Variants in NAT1 observed in about 807,000 individuals in gnomAD.
NAT1 encodes N-acetyltransferase 1.
For missense variants in NAT1, 400 were observed against 339.2 expected (o/e 1.18, Z -1.41); for synonymous variants, 144 against 122.6 (o/e 1.17, Z -1.16).
chr8:18,198,361 T>A (rs1293472633), intron 2 of NAT1, among the ~76,000 whole-genome samples: 1 of 152,192 alleles, frequency 6.6e-6, no homozygotes, highest in Non-Finnish European at 1.5e-5. Context: ...CACTGAGTTA[T>A]GAATGGTGTT....
In NAT1 at chr8:18,222,172, T is replaced by C. The variant is rs1355361339; in HGVS notation, c.125T>C (p.Ile42Thr). The change falls in exon 3 of 3, where the codon ATC (isoleucine) becomes ACC (threonine). Residue 42 changes from isoleucine to threonine, a missense_variant. By Grantham distance (89) the Ile-to-Thr change is moderately conservative. Coordinates refer to ENST00000307719, the MANE Select transcript of NAT1 (RefSeq NM_000662.8). ...GCTGTTCCCTTTGAGAACCTTAACA[T>C]CCATTGTGGGGATGCCATGGACTTA... ...IRAVPFENLN[I>T]HCGDAMDLGL... 6.2e-7 allele frequency: 1 copy of C among 1,614,152 alleles called. No individual in the cohort carries two copies. Among genetic ancestry groups the C allele is most frequent in the East Asian group, 2.2e-5 (1 of 44,874 alleles).
At chr8:18,209,472 C>T (rs10088926), upstream of NAT1, among the ~76,000 whole-genome samples, 6,807 of 152,222 alleles carry the variant, frequency 0.045, 445 homozygotes, top group African/African-American at 0.14. Flanking sequence ...AATAAAGAAA[C>T]AAAAATTATG....
At chr8:18,183,795 T>A (rs996704554) in intron 2 of NAT1, among the ~76,000 whole-genome samples, 2 of 152,004 alleles carry the variant, frequency 1.3e-5, no homozygotes, top group Non-Finnish European at 2.9e-5. Context: ...AAGAAAGGGG[T>A]AGCAGGTTTC....
At chr8:18,178,862 C>G (rs1802393485) in intron 2 of NAT1, among the ~76,000 whole-genome samples, 1 of 152,090 alleles carries the variant, frequency 6.6e-6, no homozygotes. Flanking sequence ...AGCTGACAAG[C>G]TTTTCAAGTC....
At position 18,173,689 on chromosome 8, in the gene NAT1, T is replaced by C. The variant is rs182642350; in HGVS notation, n.92+2950T>C. Among the ~76,000 whole-genome samples, 11 of 152,268 alleles carry C rather than the reference T, an allele frequency of 7.2e-5. No individual in the cohort carries two copies. The East Asian group carries it at 1.7e-3, about 24-fold the overall frequency. On this transcript the variant is annotated intron_variant and non_coding_transcript_variant, in intron 2 of 4. Transcript: ENST00000517441. ...TTGTATAGTCTTGTTTCTTCACCAA[T>C]AGAATGGGTATAAGATTATGTACCT...
rs1805480922 is a variant in NAT1, at chr8:18,222,789, G to A, written c.742G>A (p.Asp248Asn). Residue 248 changes from aspartate (D) to asparagine (N), a missense_variant, in exon 3 of 3, where the codon GAC (aspartate) becomes AAC (asparagine). Transcript: ENST00000307719. Reference protein sequence around the residue: ...TLTHRRFNYKDNTDLIEFKTL... With the variant: ...TLTHRRFNYKNNTDLIEFKTL... Reference sequence around the variant, plus strand: ...CACCCATAGGAGATTCAATTATAAGGACAATACAGATCTAATAGAGTTCAA... The same window carrying A: ...CACCCATAGGAGATTCAATTATAAGAACAATACAGATCTAATAGAGTTCAA... The A allele has an allele frequency of 2.5e-6, 4 of 1,613,420 alleles. No individual in the cohort carries two copies. The highest frequency in any genetic ancestry group is 3.4e-6 in the Non-Finnish European group (4 of 1,179,864).
chr8:18,216,133 A>G (rs895051262), intron 1 of NAT1, among the ~76,000 whole-genome samples: 1 of 152,182 alleles, frequency 6.6e-6, no homozygotes, highest in African/African-American at 2.4e-5. Flanking sequence ...TTTACATAAC[A>G]TACCTGGTGG....
intron 2 of NAT1, among the ~76,000 whole-genome samples, chr8:18,181,713 T>C (rs959522883): frequency 7.9e-5 from 12 of 152,208 alleles, no homozygotes; most frequent in African/African-American, 2.9e-4. Context: ...AGCTGCGGGT[T>C]GTCATATATA....
At chr8:18,215,505 T>A (rs1338925145) in intron 1 of NAT1, among the ~76,000 whole-genome samples, 1 of 152,244 alleles carries the variant, frequency 6.6e-6, no homozygotes, top group Non-Finnish European at 1.5e-5. Context: ...TGTCCTTAAT[T>A]AGTATTCTAA....
chr8:18,222,541 G>A lies in NAT1; in HGVS notation c.494G>A (p.Arg165Lys), dbSNP rs778884010. The change falls in exon 3 of 3, where the codon AGA becomes AAA. Residue 165 changes from arginine to lysine, a missense_variant. Coordinates refer to ENST00000307719, the MANE Select transcript of NAT1 (RefSeq NM_000662.8). ...GGATTCTGGTATCTAGACCAAATCA[G>A]AAGGGAACAGTACATTCCAAATGAA... ...ENGFWYLDQI[R>K]REQYIPNEEF... 1.2e-6 allele frequency: 2 copies of A among 1,614,138 alleles called. No homozygotes were observed. Among genetic ancestry groups the A allele is most frequent in the Non-Finnish European group, 8.5e-7 (1 of 1,180,018 alleles).
At chr8:18,184,850 G>C (rs533690441) in intron 2 of NAT1, among the ~76,000 whole-genome samples, 19 of 152,084 alleles carry the variant, frequency 1.2e-4, no homozygotes, top group Non-Finnish European at 2.6e-4. Flanking sequence ...CATTTCACCA[G>C]TTTTTGCGTG....
intron 2 of NAT1, among the ~76,000 whole-genome samples, chr8:18,180,984 C>G (rs4342644): frequency 6.6e-6 from 1 of 151,846 alleles, no homozygotes; most frequent in Admixed American, 6.6e-5. Flanking sequence ...TTTAGCTATT[C>G]AGGGTCTTTT....
chr8:18,219,220 C>T (rs1360560046), intron 1 of NAT1, among the ~76,000 whole-genome samples, 191 bp from the exon 2 acceptor site: 2 of 152,120 alleles, frequency 1.3e-5, no homozygotes, highest in African/African-American at 4.8e-5. Context: ...ACCCCATCAG[C>T]GTTGCACCCA....
chr8:18,217,303 G>A (rs1468557975), intron 1 of NAT1, among the ~76,000 whole-genome samples: 8 of 151,982 alleles, frequency 5.3e-5, no homozygotes, highest in Admixed American at 2.6e-4. Context: ...CATTATCAGG[G>A]TTAATACTCA....
At chr8:18,182,064 A>T (rs1269311506) in intron 2 of NAT1, among the ~76,000 whole-genome samples, 2 of 152,090 alleles carry the variant, frequency 1.3e-5, no homozygotes, top group African/African-American at 4.8e-5. Flanking sequence ...GGTGCCTGGC[A>T]TTGAGGAGAG....
At chr8:18,192,624 A>G (rs1803044692) in intron 2 of NAT1, among the ~76,000 whole-genome samples, 1 of 152,140 alleles carries the variant, frequency 6.6e-6, no homozygotes, top group Non-Finnish European at 1.5e-5. Flanking sequence ...GATTAAGAAA[A>G]TGTGGCACAT....
intron 2 of NAT1, among the ~76,000 whole-genome samples, chr8:18,173,169 C>T (rs1589045230): frequency 6.6e-6 from 1 of 152,026 alleles, no homozygotes; most frequent in Admixed American, 6.6e-5. Flanking sequence ...CACACACACA[C>T]ACACACACAA....
intron 2 of NAT1, among the ~76,000 whole-genome samples, chr8:18,219,892 G>A (rs1268670069): frequency 6.6e-6 from 1 of 152,156 alleles, no homozygotes; most frequent in Non-Finnish European, 1.5e-5. Context: ...GAGGGGAACA[G>A]AGAGGGTACA....
intron 2 of NAT1, among the ~76,000 whole-genome samples, chr8:18,172,439 T>C (rs953052333): frequency 2.8e-4 from 42 of 152,328 alleles, no homozygotes; most frequent in African/African-American, 1.0e-3. Flanking sequence ...TCTTTCTCCA[T>C]CCCTGTCCAC....
Sources: gnomAD v4.1 joint callset for allele counts (sites outside exome capture counted in the v4.1 genomes callset) on GRCh38, gnomAD v4.1.1 for gene constraint, MANE v1.5 for transcripts, NCBI Gene and HGNC (gene_info 2026-07-23, HGNC 2026-07-21) for gene names.